The following STAU2 variants were observed in gnomAD, a reference collection of about 807,000 sequenced individuals.
The protein encoded by STAU2 is double-stranded RNA-binding protein Staufen homolog 2.
In STAU2, 20 loss-of-function variants were observed where a neutral mutation model predicts 65.9. The observed-to-expected ratio is 0.30, with a 90% CI of 0.21 to 0.44. The LOEUF is 0.44. STAU2 is among the 20% of genes least tolerant of loss of function. The probability of loss-of-function intolerance (pLI) is 1.00; values close to 1 mark genes in which losing one functional copy is unlikely to be tolerated. For synonymous variants in STAU2, 232 were observed against 233.9 expected (o/e 0.99, Z 0.07); for missense variants, 558 against 683.9 (o/e 0.82, Z 2.05).
intron 5 of STAU2, among the ~76,000 whole-genome samples, chr8:73,684,019 A>T (rs1022580096): frequency 1.3e-5 from 2 of 152,202 alleles, no homozygotes. Context: ...AATATTGTGG[A>T]AATAGCATAC....
intron 3 of STAU2, among the ~76,000 whole-genome samples, chr8:73,734,295 T>C (rs943744588): frequency 5.4e-5 from 8 of 149,322 alleles, no homozygotes; most frequent in Non-Finnish European, 1.2e-4. Flanking sequence ...TGCACATGGA[T>C]AATAACACAC....
intron 11 of STAU2, among the ~76,000 whole-genome samples, chr8:73,592,105 A>G (rs1810861320): frequency 6.6e-6 from 1 of 151,758 alleles, no homozygotes; most frequent in East Asian, 1.9e-4. Context: ...GTGAAGGATA[A>G]AATAAAGAGC....
intron 13 of STAU2, among the ~76,000 whole-genome samples, chr8:73,543,474 C>T (rs920330854): frequency 3.3e-5 from 5 of 152,170 alleles, no homozygotes; most frequent in African/African-American, 1.2e-4. Context: ...ACTGAAGACA[C>T]TAAGTCATGG....
intron 4 of STAU2, among the ~76,000 whole-genome samples, chr8:73,705,421 G>A (rs1820442967): frequency 6.6e-6 from 1 of 152,048 alleles, no homozygotes; most frequent in Non-Finnish European, 1.5e-5. Flanking sequence ...ATCAGCACTA[G>A]TACAATTTAC....
chr8:73,456,123 T>C (rs956798172), intron 13 of STAU2, among the ~76,000 whole-genome samples: 3 of 151,566 alleles, frequency 2.0e-5, no homozygotes, highest in African/African-American at 7.3e-5. Context: ...CCTTAAAATC[T>C]TCAGATCTGT....
intron 13 of STAU2, among the ~76,000 whole-genome samples, chr8:73,507,928 T>G (rs910001359): frequency 1.3e-5 from 2 of 152,218 alleles, no homozygotes; most frequent in Non-Finnish European, 2.9e-5. Context: ...TTTCTTCTCT[T>G]CTGCAGCTTT....
chr8:73,423,530 G>A lies in STAU2; in HGVS notation c.1531-828C>T, dbSNP rs867047763. On this transcript the variant is annotated intron_variant, in intron 13 of 14. Transcript: ENST00000524300. ...GAAGGGCTCTGCTGAGTCTGAGATG[G>A]GCATGAGCAGGCAGGGCTGTTTTCA... is the stretch of plus-strand genomic sequence containing the variant. Among the ~76,000 whole-genome samples, 112 of 152,186 alleles carry A rather than the reference G, an allele frequency of 7.4e-4. 1 individual carries two copies. The highest frequency in any genetic ancestry group is 1.7e-3 in the Admixed American group (26 of 15,288).
intron 13 of STAU2, among the ~76,000 whole-genome samples, chr8:73,456,438 T>G (rs1043003081): frequency 6.6e-6 from 1 of 152,178 alleles, no homozygotes; most frequent in Non-Finnish European, 1.5e-5. Context: ...CAGGTATCTT[T>G]TGAACACCTC....
chr8:73,709,292 A>G, intron 3 of STAU2, 130 bp from the exon 4 acceptor site: 1 of 783,720 alleles, frequency 1.3e-6, no homozygotes, highest in African/African-American at 1.8e-5. Context: ...TAAAAATTCA[A>G]ATTACCTAAT....
chr8:73,588,245 T>G (rs934944937), intron 11 of STAU2, among the ~76,000 whole-genome samples: 6 of 152,200 alleles, frequency 3.9e-5, no homozygotes, highest in South Asian at 2.1e-4. Context: ...CTGGGAGAGA[T>G]AGGACTCACA....
At chr8:73,746,326 C>T (rs112491443) in intron 1 of STAU2, among the ~76,000 whole-genome samples, 2,175 of 151,576 alleles carry the variant, frequency 0.014, 23 homozygotes, top group Middle Eastern at 0.028. Flanking sequence ...CTACTCTAGG[C>T]GCTCCCTCTC....
At chr8:73,599,408 T>G (rs1272207005) in intron 10 of STAU2, among the ~76,000 whole-genome samples, 2 of 152,158 alleles carry the variant, frequency 1.3e-5, no homozygotes, top group Non-Finnish European at 2.9e-5. Context: ...GGTTCCCATA[T>G]ATCAGTTTTT....
At chr8:73,531,442 G>A (rs1386345374) in intron 13 of STAU2, among the ~76,000 whole-genome samples, 1 of 152,084 alleles carries the variant, frequency 6.6e-6, no homozygotes, top group African/African-American at 2.4e-5. Context: ...ATAAAAATAT[G>A]TAGGGAAAAA....
At chr8:73,737,295 C>G (rs34258897) in intron 3 of STAU2, among the ~76,000 whole-genome samples, 1 of 151,876 alleles carries the variant, frequency 6.6e-6, no homozygotes, top group Admixed American at 6.6e-5. Context: ...CTCAGCCTCC[C>G]GAGTAGCTGG....
Position 73,707,300 on chromosome 8 carries a change from G to T in STAU2, c.114+1732C>A, listed in dbSNP as rs150277310. Among the ~76,000 whole-genome samples, 190 of 152,254 alleles carry T rather than the reference G, an allele frequency of 1.2e-3. 2 individuals are homozygous for T. The highest frequency in any genetic ancestry group is 4.0e-3 in the African/African-American group (166 of 41,546). On this transcript the variant is annotated intron_variant, in intron 4 of 14. Coordinates refer to ENST00000524300, the MANE Select transcript of STAU2 (RefSeq NM_001164380.2). ...GACTGTGGAAGTCAAATTACTAGACGGAATGAACTAGAAAGTTAAGAGGCA... is the reference window on the plus strand; with the variant it reads ...GACTGTGGAAGTCAAATTACTAGACTGAATGAACTAGAAAGTTAAGAGGCA...
chr8:73,446,358 T>C (rs1252847905), intron 13 of STAU2, among the ~76,000 whole-genome samples: 1 of 152,144 alleles, frequency 6.6e-6, no homozygotes, highest in Non-Finnish European at 1.5e-5. Context: ...GCTTTGTATC[T>C]CGATCGCTGA....
chr8:73,665,016 T>C (rs923499712), intron 6 of STAU2, among the ~76,000 whole-genome samples: 4 of 152,158 alleles, frequency 2.6e-5, no homozygotes, highest in Non-Finnish European at 5.9e-5. Context: ...AATTTTTATA[T>C]CTGTGACCAT....
At position 73,437,364 on chromosome 8, in the gene STAU2, C is replaced by T. The variant is rs374443263; in HGVS notation, c.1531-14662G>A. 3.0e-4 allele frequency among the ~76,000 whole-genome samples: 45 copies of T among 152,192 alleles called. No individual in the cohort carries two copies. In the South Asian group the frequency reaches 8.5e-3, roughly 29 times the overall value. On this transcript the variant is annotated intron_variant, in intron 13 of 14. Transcript: ENST00000524300. ...AGGACAGAGATAGAGACATGATGAT[C>T]GGAGAAGGGTGTGAGGGATGGGTCA...
At chr8:73,724,691 A>AT (rs71269938) in intron 3 of STAU2, among the ~76,000 whole-genome samples, 182 of 142,100 alleles carry the variant, frequency 1.3e-3, no homozygotes, top group Non-Finnish European at 2.1e-3. Context: ...ATATATATAT[A>AT]TTTTTTTTTT....
Sources: allele counts gnomAD v4.1 joint callset (sites outside exome capture counted in the v4.1 genomes callset), GRCh38; gene constraint gnomAD v4.1.1; transcripts MANE v1.5; gene names NCBI Gene and HGNC (gene_info 2026-07-23, HGNC 2026-07-21).